The following SPIDR variants were observed in gnomAD, a reference collection of about 807,000 sequenced individuals.
The protein encoded by SPIDR is DNA repair-scaffolding protein.
A neutral mutation model predicts 104.6 loss-of-function variants in SPIDR; 93 were observed. The observed-to-expected ratio is 0.89, with a 90% confidence interval of 0.75 to 1.06. The LOEUF is 1.06. SPIDR is among the 50% of genes least tolerant of loss of function. The pLI, the probability that SPIDR is intolerant of heterozygous loss-of-function variation, is 0.00. For synonymous variants in SPIDR, 431 were observed against 416.9 expected, an observed-to-expected ratio of 1.03 and a Z score of -0.41; for missense variants, 1,154 against 1,111.2, an observed-to-expected ratio of 1.04 and a Z score of -0.55.
intron 8 of SPIDR, among the ~76,000 whole-genome samples, chr8:47,451,661 T>C (rs2071766179): frequency 1.3e-5 from 2 of 151,620 alleles, no homozygotes; most frequent in South Asian, 4.2e-4. Context: ...CTCATTGAAC[T>C]TGAAGAAAAG....
intron 5 of SPIDR, among the ~76,000 whole-genome samples, chr8:47,338,011 G>A (rs2050086458): frequency 1.3e-5 from 2 of 152,174 alleles, no homozygotes; most frequent in Non-Finnish European, 2.9e-5. Flanking sequence ...AAATTGGAAA[G>A]TGAGAGTCCT....
At chr8:47,336,760 C>A (rs2049838868) in intron 5 of SPIDR, among the ~76,000 whole-genome samples, 1 of 152,144 alleles carries the variant, frequency 6.6e-6, no homozygotes, top group Admixed American at 6.5e-5. Flanking sequence ...GAGTTGGTTT[C>A]AATATGTGTG....
intron 5 of SPIDR, among the ~76,000 whole-genome samples, chr8:47,394,252 T>G (rs1462292885): frequency 6.6e-6 from 1 of 152,130 alleles, no homozygotes; most frequent in Non-Finnish European, 1.5e-5. Context: ...CTCTTGGCTT[T>G]GTTGCCCTTC....
At chr8:47,509,205 G>A (rs2081954933) in intron 8 of SPIDR, among the ~76,000 whole-genome samples, 4 of 152,144 alleles carry the variant, frequency 2.6e-5, no homozygotes, top group Admixed American at 2.6e-4. Context: ...TGTTATGTTA[G>A]CCAGATCCTC....
chr8:47,285,315 G>T (rs952094355), intron 3 of SPIDR, among the ~76,000 whole-genome samples: 8 of 152,110 alleles, frequency 5.3e-5, no homozygotes, highest in Non-Finnish European at 8.8e-5. Flanking sequence ...TTGCCAAAAT[G>T]TTTCTTTAAA....
chr8:47,295,848 T>G (rs1186660442), intron 5 of SPIDR, among the ~76,000 whole-genome samples: 5 of 152,138 alleles, frequency 3.3e-5, no homozygotes, highest in African/African-American at 1.2e-4. Context: ...ATTTTTAGTT[T>G]TTTGAGAGAC....
intron 1 of SPIDR, 111 bp downstream of exon 1, chr8:47,261,102 G>C: frequency 1.7e-6 from 2 of 1,147,446 alleles, no homozygotes; most frequent in Non-Finnish European, 2.2e-6. Context: ...GTGGGCGTTG[G>C]GGGTGAAGGG....
At chr8:47,386,916 G>GATATAT (rs1554648652) in intron 5 of SPIDR, among the ~76,000 whole-genome samples, 1 of 90,932 alleles carries the variant, frequency 1.1e-5, no homozygotes, top group Non-Finnish European at 2.1e-5. Flanking sequence ...TATAGATATA[G>GATATAT]ATATAGATAT....
chr8:47,275,568 T>C (rs2036253010), intron 1 of SPIDR, among the ~76,000 whole-genome samples: 1 of 152,198 alleles, frequency 6.6e-6, no homozygotes, highest in Admixed American at 6.5e-5. Flanking sequence ...GTTTCCATTC[T>C]TAAAATGAGT....
chr8:47,377,923 T>C (rs1554643361), intron 5 of SPIDR, among the ~76,000 whole-genome samples: 1 of 152,210 alleles, frequency 6.6e-6, no homozygotes, highest in Non-Finnish European at 1.5e-5. Flanking sequence ...AAAATGTCCT[T>C]TTAGTGCCTT....
At chr8:47,646,265 G>A (rs550725681) in intron 10 of SPIDR, among the ~76,000 whole-genome samples, 9 of 152,238 alleles carry the variant, frequency 5.9e-5, no homozygotes, top group African/African-American at 1.9e-4. Flanking sequence ...AGTAACTTTT[G>A]TTTGGTGAGG....
At chr8:47,506,267 G>A (rs1295002807) in intron 8 of SPIDR, among the ~76,000 whole-genome samples, 1 of 152,200 alleles carries the variant, frequency 6.6e-6, no homozygotes, top group Non-Finnish European at 1.5e-5. Flanking sequence ...TGTGTGTTCT[G>A]TGTCAACATA....
intron 5 of SPIDR, among the ~76,000 whole-genome samples, chr8:47,297,631 C>T (rs1198019246): frequency 2.0e-5 from 3 of 152,034 alleles, no homozygotes; most frequent in Non-Finnish European, 4.4e-5. Flanking sequence ...CGACAGGCGC[C>T]GGTGTGTGAT....
chr8:47,699,370 A>C (rs573933177), intron 11 of SPIDR, among the ~76,000 whole-genome samples: 2 of 152,308 alleles, frequency 1.3e-5, no homozygotes, highest in Admixed American at 1.3e-4. Context: ...AGTGTATAAA[A>C]GGCAGAGCTT....
At chr8:47,485,212 G>A (rs554518753) in intron 8 of SPIDR, among the ~76,000 whole-genome samples, 2 of 152,224 alleles carry the variant, frequency 1.3e-5, no homozygotes, top group Admixed American at 6.5e-5. Context: ...CCCGTGCAAG[G>A]CTCGGAGGGT....
chr8:47,423,905 T>C (rs1257017699), intron 7 of SPIDR, among the ~76,000 whole-genome samples: 4 of 152,246 alleles, frequency 2.6e-5, no homozygotes, highest in Admixed American at 2.0e-4. Context: ...TTTCCAACAT[T>C]GCTTTGCTCA....
At chr8:47,525,056 C>T (rs1481857449) in intron 8 of SPIDR, among the ~76,000 whole-genome samples, 1 of 152,228 alleles carries the variant, frequency 6.6e-6, no homozygotes, top group East Asian at 1.9e-4. Flanking sequence ...TGATCCGAGG[C>T]ATTCTTCCCG....
chr8:47,693,000 C>T (rs1290107255), intron 11 of SPIDR, among the ~76,000 whole-genome samples: 1 of 152,210 alleles, frequency 6.6e-6, no homozygotes, highest in African/African-American at 2.4e-5. Flanking sequence ...ATTTTACCAT[C>T]CCACCAGCCT....
At chr8:47,337,529 C>A (rs1466678550) in intron 5 of SPIDR, among the ~76,000 whole-genome samples, 1 of 150,552 alleles carries the variant, frequency 6.6e-6, no homozygotes, top group Non-Finnish European at 1.5e-5. Context: ...ATATTTTTTC[C>A]CATCATTGGG....
Sources: gnomAD v4.1 joint callset for allele counts (sites outside exome capture counted in the v4.1 genomes callset) on GRCh38, gnomAD v4.1.1 for gene constraint, MANE v1.5 for transcripts, NCBI Gene and HGNC (gene_info 2026-07-23, HGNC 2026-07-21) for gene names.